Variants in NAE1 observed in about 807,000 individuals in gnomAD.
NAE1 encodes NEDD8-activating enzyme E1 regulatory subunit.
In NAE1, 59 loss-of-function variants were observed where a neutral mutation model predicts 88.0. That is an observed-to-expected ratio of 0.67 (90% CI 0.54 to 0.83). NAE1 has a LOEUF of 0.83. NAE1 is among the 40% of genes least tolerant of loss of function. The pLI is 0.00. For missense variants in NAE1, 554 were observed against 632.8 expected, an observed-to-expected ratio of 0.88 and a Z score of 1.34; for synonymous variants, 186 against 208.9, an observed-to-expected ratio of 0.89 and a Z score of 0.95.
At chr16:66,825,028 G>A (rs1960408342) in intron 3 of NAE1, 143 bp from the exon 4 acceptor site, 1 of 474,026 alleles carries the variant, frequency 2.1e-6, no homozygotes, top group East Asian at 3.6e-5. Context: ...CCTGGAGGAA[G>A]AAAATCAGAT....
At chr16:66,828,445 C>G (rs1364485950) in intron 1 of NAE1, among the ~76,000 whole-genome samples, 3 of 151,000 alleles carry the variant, frequency 2.0e-5, no homozygotes, top group Non-Finnish European at 4.4e-5. Context: ...GAGCCAAGAC[C>G]GCGCCACTGC....
chr16:66,805,739 T>A (rs777676744), intron 19 of NAE1, 38 bp downstream of exon 19: 1 of 1,424,048 alleles, frequency 7.0e-7, no homozygotes, highest in East Asian at 2.5e-5. Flanking sequence ...AACTGTACTA[T>A]GTAACAACAG....
In NAE1 at chr16:66,813,404, G is replaced by C. The variant is rs1323586799; in HGVS notation, c.1034+160C>G. The C allele has an allele frequency of 9.5e-6, 8 of 841,538 alleles. No homozygotes were observed. The East Asian group carries it at 1.9e-4, about 20-fold the overall frequency. 52.1% of individuals were successfully genotyped at this position (841,538 alleles called of 1,614,324 possible). ...AATTCTCCCACCTTGGCCTCCCAAA[G>C]TGTTGGGATTACAGGCATGAGCCAC... On this transcript the variant is annotated intron_variant, in intron 13 of 19. Coordinates refer to ENST00000290810, the MANE Select transcript of NAE1 (RefSeq NM_003905.4).
Position 66,828,038 on chromosome 16 carries a change from A to G in NAE1, c.54-1258T>C, listed in dbSNP as rs762546994. Reference sequence around the variant, plus strand: ...ATCTTTCCACTCCACTGTATGCTCCATAAGGGCCCAGACAGCTGTCAAATG... The same window carrying G: ...ATCTTTCCACTCCACTGTATGCTCCGTAAGGGCCCAGACAGCTGTCAAATG... On this transcript the variant is annotated intron_variant, in intron 1 of 19. Transcript: ENST00000290810. The G allele has an allele frequency of 4.2e-5, 67 of 1,613,770 alleles. 1 individual carries two copies. The highest frequency in any genetic ancestry group is 1.3e-4 in the South Asian group (12 of 91,080).
chr16:66,803,467 G>T (rs919896174), intron 19 of NAE1, among the ~76,000 whole-genome samples: 2 of 152,034 alleles, frequency 1.3e-5, no homozygotes, highest in African/African-American at 2.4e-5. Flanking sequence ...AATTTAGGAA[G>T]GATCTATATT....
intron 1 of NAE1, among the ~76,000 whole-genome samples, chr16:66,828,770 T>C (rs1444774180): frequency 6.6e-6 from 1 of 151,984 alleles, no homozygotes; most frequent in South Asian, 2.1e-4. Flanking sequence ...GGCAGGAGGA[T>C]CACTTGAGTG....
intron 13 of NAE1, among the ~76,000 whole-genome samples, chr16:66,811,035 ATCTATGATT>A (rs1409107553): frequency 6.6e-6 from 1 of 152,200 alleles, no homozygotes; most frequent in Non-Finnish European, 1.5e-5. Context: ...CCCTAGAGGG[ATCTATGATT>A]TCGGCTTCTG....
At position 66,813,633 on chromosome 16, in the gene NAE1, T is replaced by G; in HGVS notation, c.965A>C (p.Asn322Thr). 1 of 1,614,080 alleles carries G rather than the reference T, an allele frequency of 6.2e-7. No homozygotes were observed. Among genetic ancestry groups the G allele is most frequent in the Non-Finnish European group, 8.5e-7 (1 of 1,179,950 alleles). ...AGGAATTGTGCCTCGAACAGGTAAATTTCCTTGACCCTCTTTGGCCACAAA... is the reference window on the plus strand; with the variant it reads ...AGGAATTGTGCCTCGAACAGGTAAAGTTCCTTGACCCTCTTTGGCCACAAA... Reference protein sequence around the residue: ...KEFVAKEGQGNLPVRGTIPDM... With the variant: ...KEFVAKEGQGTLPVRGTIPDM... The change falls in exon 13 of 20, where the codon AAT (asparagine) becomes ACT (threonine). Residue 322 changes from asparagine to threonine, a missense_variant. Physicochemically the swap from Asn to Thr is moderately conservative, Grantham distance 65. Coordinates refer to ENST00000290810, the MANE Select transcript of NAE1 (RefSeq NM_003905.4).
chr16:66,804,702 G>C (rs553654020), intron 19 of NAE1, among the ~76,000 whole-genome samples: 2 of 152,166 alleles, frequency 1.3e-5, no homozygotes, highest in East Asian at 3.9e-4. Context: ...CTAACCCCCA[G>C]TGTAATTGTA....
chr16:66,828,418 G>A (rs1960550647), intron 1 of NAE1, among the ~76,000 whole-genome samples: 1 of 151,180 alleles, frequency 6.6e-6, no homozygotes, highest in South Asian at 2.1e-4. Context: ...ATGAACGCAG[G>A]AGGCGGAGAT....
At chr16:66,810,277 G>A in intron 15 of NAE1, 97 bp downstream of exon 15, 2 of 1,034,852 alleles carry the variant, frequency 1.9e-6, no homozygotes, top group Non-Finnish European at 3.0e-6. Flanking sequence ...TGAGGCCATG[G>A]AAAACTTAAA....
chr16:66,825,920 A>G (rs3026087), intron 3 of NAE1, among the ~76,000 whole-genome samples: 2,412 of 152,288 alleles, frequency 0.016, 57 homozygotes, highest in South Asian at 0.095. Flanking sequence ...CCTGGCAGAA[A>G]CTGGCACTAC....
chr16:66,828,638 G>A (rs560039346), intron 1 of NAE1, among the ~76,000 whole-genome samples: 2 of 150,014 alleles, frequency 1.3e-5, no homozygotes, highest in Non-Finnish European at 3.0e-5. Context: ...TCATACCTGC[G>A]AACAGCCACT....
chr16:66,809,185 G>A (rs1011928611), intron 15 of NAE1, 110 bp from the exon 16 acceptor site: 1 of 671,194 alleles, frequency 1.5e-6, no homozygotes, highest in African/African-American at 1.9e-5. Flanking sequence ...TCAGACATGA[G>A]AATGTGAAGA....
chr16:66,814,529 G>C (rs1959957079), intron 11 of NAE1, among the ~76,000 whole-genome samples: 1 of 150,334 alleles, frequency 6.7e-6, no homozygotes, highest in African/African-American at 2.5e-5. Context: ...GGAGGTCAAG[G>C]CTGCAGTGAG....
chr16:66,808,517 T>G lies in NAE1; in HGVS notation c.1330+4A>C. On this transcript the variant is annotated splice_donor_region_variant and intron_variant, in intron 17 of 19. Coordinates refer to ENST00000290810, the MANE Select transcript of NAE1 (RefSeq NM_003905.4). The stretch of plus-strand genomic sequence containing the variant: ...ATATCTGGTAATTCAATTGCTATTC[T>G]TACCTGGATATCTACCCTGTTGTTT... 1.3e-6 allele frequency: 2 copies of G among 1,536,412 alleles called. No individual in the cohort carries two copies. Among genetic ancestry groups the G allele is most frequent in the African/African-American group, 1.4e-5 (1 of 72,792 alleles).
chr16:66,820,930 A>G (rs535542885), intron 7 of NAE1, among the ~76,000 whole-genome samples: 2 of 149,942 alleles, frequency 1.3e-5, no homozygotes, highest in African/African-American at 2.5e-5. Flanking sequence ...TTAGCTGGGC[A>G]TGGTGGCGGG....
At chr16:66,816,291 G>C (rs1960042363) in intron 11 of NAE1, among the ~76,000 whole-genome samples, 15 of 151,694 alleles carry the variant, frequency 9.9e-5, no homozygotes, top group Admixed American at 9.9e-4. Flanking sequence ...TCAGCCTCCC[G>C]AATAGCTGGG....
intron 3 of NAE1, 168 bp downstream of exon 3, chr16:66,826,354 GC>G: frequency 1.6e-6 from 1 of 614,486 alleles, no homozygotes; most frequent in Non-Finnish European, 2.8e-6. Context: ...TGCCCTATTT[GC>G]CAGATGCTGT....
Sources: gnomAD v4.1 joint callset for allele counts (sites outside exome capture counted in the v4.1 genomes callset) on GRCh38, gnomAD v4.1.1 for gene constraint, MANE v1.5 for transcripts, NCBI Gene and HGNC (gene_info 2026-07-23, HGNC 2026-07-21) for gene names.